GRAMD1B: variants seen among roughly 807,000 people sequenced by gnomAD.
The protein encoded by GRAMD1B is GRAM domain containing 1B.
In GRAMD1B, 37 loss-of-function variants were observed where a neutral mutation model predicts 99.7. The ratio of observed to expected loss-of-function variants is 0.37; its 90% confidence interval spans 0.29 to 0.49. GRAMD1B has a LOEUF of 0.49. GRAMD1B is among the 20% of genes least tolerant of loss of function. The probability of loss-of-function intolerance (pLI) is 0.98; values close to 1 mark genes in which losing one functional copy is unlikely to be tolerated. For synonymous variants in GRAMD1B, 427 were observed against 387.6 expected (o/e 1.10, Z -1.19); for missense variants, 888 against 1,009.2 (o/e 0.88, Z 1.63).
chr11:123,506,224 T>G (rs1474628399), intron 2 of GRAMD1B, among the ~76,000 whole-genome samples: 1 of 152,130 alleles, frequency 6.6e-6, no homozygotes, highest in Non-Finnish European at 1.5e-5. Flanking sequence ...TCAGTTTCCT[T>G]GCAGCCCCAC....
At chr11:123,522,983 G>A (rs1314308594) in intron 2 of GRAMD1B, among the ~76,000 whole-genome samples, 2 of 152,202 alleles carry the variant, frequency 1.3e-5, no homozygotes, top group Admixed American at 6.5e-5. Context: ...GGGCACGCCT[G>A]CATTCAAATT....
In GRAMD1B at chr11:123,533,260, C is replaced by T. The variant is rs180727147; in HGVS notation, c.453-44107C>T. On this transcript the variant is annotated intron_variant, in intron 2 of 19. Coordinates refer to ENST00000635736, the MANE Select transcript of GRAMD1B (RefSeq NM_001387025.1). ...TGCTGGGATTACAGGCGTGAGCCAC[C>T]GCGCCTGGCCTGTTTATTAATTCTT... Among the ~76,000 whole-genome samples the T allele has an allele frequency of 1.3e-3, 202 of 151,748 alleles. 2 individuals are homozygous for T. The highest frequency in any genetic ancestry group is 1.2e-3 in the Non-Finnish European group (79 of 67,876).
intron 2 of GRAMD1B, among the ~76,000 whole-genome samples, chr11:123,558,053 G>A (rs1348635625): frequency 6.9e-6 from 1 of 145,660 alleles, no homozygotes; most frequent in Non-Finnish European, 1.5e-5. Flanking sequence ...GTGCGATCAT[G>A]GCTCACAGCA....
At chr11:123,482,895 C>T (rs938299259) in intron 2 of GRAMD1B, among the ~76,000 whole-genome samples, 3 of 152,102 alleles carry the variant, frequency 2.0e-5, no homozygotes, top group Non-Finnish European at 2.9e-5. Context: ...CCCGTCTCTA[C>T]TAAAAATGCA....
chr11:123,579,268 C>T (rs994124015), intron 3 of GRAMD1B, among the ~76,000 whole-genome samples: 3 of 152,130 alleles, frequency 2.0e-5, no homozygotes, highest in Non-Finnish European at 4.4e-5. Flanking sequence ...GGATGCAGCC[C>T]GAAGAAGGGG....
intron 1 of GRAMD1B, among the ~76,000 whole-genome samples, chr11:123,465,656 C>T (rs188395865): frequency 7.8e-4 from 119 of 151,824 alleles, no homozygotes; most frequent in African/African-American, 2.8e-3. Context: ...GTAATCCCAG[C>T]TACTAGGGAG....
chr11:123,577,623 G>A lies in GRAMD1B; in HGVS notation c.663+46G>A, dbSNP rs936642058. ...GCGGTACCTCCTTGTCAGGGGCTGC[G>A]GGGAGCGATATTGGGGTGGTGAGCC... On this transcript the variant is annotated intron_variant, in intron 3 of 19. Transcript: ENST00000635736. The A allele has an allele frequency of 5.6e-6, 8 of 1,422,356 alleles. No individual in the cohort carries two copies. In the Admixed American group the frequency reaches 9.8e-5, roughly 17 times the overall value. The allele number at this position is 1,422,356 out of a possible 1,614,324, so 88.1% of individuals were successfully genotyped here.
chr11:123,383,632 A>T (rs1196096568), intron 1 of GRAMD1B, among the ~76,000 whole-genome samples: 1 of 151,810 alleles, frequency 6.6e-6, no homozygotes, highest in Non-Finnish European at 1.5e-5. Flanking sequence ...TGCTTCACGA[A>T]TTCCTTCTTC....
intron 2 of GRAMD1B, chr11:123,526,295 TG>T (rs1942734742): frequency 3.7e-6 from 3 of 819,460 alleles, no homozygotes; most frequent in South Asian, 3.0e-5. Flanking sequence ...GGTTAAGATG[TG>T]GGGACTAGGC....
chr11:123,440,228 C>T (rs753683271), intron 1 of GRAMD1B, among the ~76,000 whole-genome samples: 3 of 152,104 alleles, frequency 2.0e-5, no homozygotes, highest in African/African-American at 7.2e-5. Context: ...AAAGTCAACG[C>T]GGCCAGATGC....
intron 1 of GRAMD1B, among the ~76,000 whole-genome samples, chr11:123,380,725 G>A (rs1201171036): frequency 6.6e-6 from 1 of 152,094 alleles, no homozygotes; most frequent in Non-Finnish European, 1.5e-5. Flanking sequence ...GGATCTCTTG[G>A]CCTGAGATCC....
intron 1 of GRAMD1B, among the ~76,000 whole-genome samples, chr11:123,433,931 A>T (rs1246067753): frequency 1.3e-5 from 2 of 152,130 alleles, no homozygotes; most frequent in African/African-American, 4.8e-5. Context: ...CTTTTGGATT[A>T]GAAGAACCTA....
intron 3 of GRAMD1B, chr11:123,578,411 C>T (rs1444548881): frequency 6.5e-7 from 1 of 1,531,348 alleles, no homozygotes; most frequent in Non-Finnish European, 8.8e-7. Context: ...TGGTCTTAGT[C>T]TCACAAGCGC....
chr11:123,395,612 G>C (rs1487516386), intron 1 of GRAMD1B, among the ~76,000 whole-genome samples: 1 of 152,118 alleles, frequency 6.6e-6, no homozygotes, highest in Non-Finnish European at 1.5e-5. Context: ...CTTGAGTAGT[G>C]GTTTTCAATC....
At position 123,400,864 on chromosome 11, in the gene GRAMD1B, C is replaced by T. The variant is rs867558892; in HGVS notation, c.-176+42065C>T. On this transcript the variant is annotated intron_variant, in intron 1 of 20. Transcript: ENST00000638157. The stretch of plus-strand genomic sequence containing the variant: ...TTTATTGATTGATTTCTTTGCTGAG[C>T]AGGGAGCTGGGTGCTATTACTACCC... 5.3e-5 allele frequency among the ~76,000 whole-genome samples: 8 copies of T among 152,100 alleles called. 1 individual carries two copies. The South Asian group carries it at 1.7e-3, about 32-fold the overall frequency.
intron 8 of GRAMD1B, among the ~76,000 whole-genome samples, chr11:123,602,730 G>A (rs971242109): frequency 1.3e-5 from 2 of 151,856 alleles, no homozygotes; most frequent in African/African-American, 4.8e-5. Flanking sequence ...TGTTTTTTTG[G>A]GAGGACACAT....
intron 2 of GRAMD1B, among the ~76,000 whole-genome samples, chr11:123,488,976 C>T (rs189351715): frequency 6.6e-6 from 1 of 152,014 alleles, no homozygotes; most frequent in Non-Finnish European, 1.5e-5. Context: ...TAAGGTTGAC[C>T]CCTTAGATGG....
chr11:123,372,345 AT>A (rs1464775882), intron 1 of GRAMD1B, among the ~76,000 whole-genome samples: 1 of 152,238 alleles, frequency 6.6e-6, no homozygotes, highest in Non-Finnish European at 1.5e-5. Context: ...AGGAACCTAG[AT>A]TCATCTCATT....
chr11:123,562,392 A>G (rs905674782), intron 2 of GRAMD1B, among the ~76,000 whole-genome samples: 1 of 152,190 alleles, frequency 6.6e-6, no homozygotes, highest in African/African-American at 2.4e-5. Context: ...GTTTTGGTAC[A>G]GGGCCAGACA....
Sources: gnomAD v4.1 joint callset for allele counts (sites outside exome capture counted in the v4.1 genomes callset) on GRCh38, gnomAD v4.1.1 for gene constraint, MANE v1.5 for transcripts, NCBI Gene and HGNC (gene_info 2026-07-23, HGNC 2026-07-21) for gene names.